TCF4: variants seen among roughly 807,000 people sequenced by gnomAD.
TCF4 encodes the protein transcription factor 4.
TCF4 carries 3 observed loss-of-function variants against 82.1 expected under a neutral mutation model. The ratio of observed to expected loss-of-function variants is 0.04; its 90% CI spans 0.02 to 0.09. The LOEUF (loss-of-function observed/expected upper bound fraction) is 0.09, where lower values mean the gene tolerates loss of function less well. Among genes scored for constraint, TCF4 ranks in the 10% least tolerant of loss-of-function variants. TCF4 has a pLI of 1.00. For missense variants in TCF4, 518 were observed against 852.7 expected (o/e 0.61, Z 4.89); for synonymous variants, 276 against 309.6 (o/e 0.89, Z 1.14).
chr18:55,551,796 T>A (rs748347609), intron 3 of TCF4: 3 of 152,200 alleles, frequency 2.0e-5, no homozygotes, highest in Non-Finnish European at 4.4e-5. Context: ...TAGGACTTTT[T>A]TTTTCCTCCT....
At chr18:55,514,438 CACACACA>C (rs879456282) in intron 3 of TCF4, among the ~76,000 whole-genome samples, 1,704 of 151,918 alleles carry the variant, frequency 0.011, 17 homozygotes, top group Non-Finnish European at 0.013. Context: ...CACACACACA[CACACACA>C]CCCCAATCAT....
At chr18:55,335,048 G>T (rs963529515) in intron 8 of TCF4, among the ~76,000 whole-genome samples, 1 of 152,124 alleles carries the variant, frequency 6.6e-6, no homozygotes, top group East Asian at 1.9e-4. Context: ...GCTCTGTGAC[G>T]CTCTTGCTGA....
intron 3 of TCF4, among the ~76,000 whole-genome samples, chr18:55,487,615 T>C (rs2096531267): frequency 6.6e-6 from 1 of 152,180 alleles, no homozygotes; most frequent in African/African-American, 2.4e-5. Context: ...TATTACAAGA[T>C]ACAATATAAT....
intron 5 of TCF4, among the ~76,000 whole-genome samples, chr18:55,455,544 A>G (rs2095730787): frequency 6.6e-6 from 1 of 151,248 alleles, no homozygotes; most frequent in Non-Finnish European, 1.5e-5. Flanking sequence ...AAAAAAAAAA[A>G]AAAGAAGCAC....
intron 6 of TCF4, chr18:55,400,806 G>A (rs1304819116): frequency 2.3e-6 from 1 of 432,898 alleles, no homozygotes; most frequent in African/African-American, 2.1e-5. Context: ...CCAAACAAAA[G>A]GCTATTGAGA....
At chr18:55,251,929 G>GTTTT (rs1568455760) in intron 15 of TCF4, among the ~76,000 whole-genome samples, 81 of 90,978 alleles carry the variant, frequency 8.9e-4, no homozygotes, top group Non-Finnish European at 1.5e-3. Context: ...AGGGGGATGA[G>GTTTT]GTTTTTTTTT....
intron 3 of TCF4, among the ~76,000 whole-genome samples, chr18:55,506,908 G>A (rs528335525): frequency 2.0e-5 from 3 of 150,662 alleles, no homozygotes; most frequent in Non-Finnish European, 4.4e-5. Flanking sequence ...TGTCACTGAG[G>A]CTGGAGTGCA....
chr18:55,585,855 A>G, intron 2 of TCF4: 2 of 1,165,860 alleles, frequency 1.7e-6, no homozygotes, highest in Admixed American at 4.4e-5. Flanking sequence ...AGCAATTTGA[A>G]GCAAGACTCT....
intron 3 of TCF4, among the ~76,000 whole-genome samples, chr18:55,506,110 T>C (rs1603617142): frequency 6.6e-6 from 1 of 152,230 alleles, no homozygotes; most frequent in Non-Finnish European, 1.5e-5. Flanking sequence ...CTTCCAGTTT[T>C]AAAGATCAGA....
At chr18:55,496,896 C>CAA (rs60244407) in intron 3 of TCF4, among the ~76,000 whole-genome samples, 23,947 of 108,378 alleles carry the variant, frequency 0.22, 2,734 homozygotes, top group Non-Finnish European at 0.31. Context: ...TGTAAAATTA[C>CAA]AAAAAAAAAA....
At chr18:55,323,164 G>A (rs1347408178) in intron 8 of TCF4, among the ~76,000 whole-genome samples, 1 of 152,150 alleles carries the variant, frequency 6.6e-6, no homozygotes, top group African/African-American at 2.4e-5. Flanking sequence ...GGAGGGATGT[G>A]GGGAGAGGAG....
intron 3 of TCF4, among the ~76,000 whole-genome samples, chr18:55,556,159 T>TC (rs386387769): frequency 6.6e-6 from 1 of 152,180 alleles, no homozygotes; most frequent in African/African-American, 2.4e-5. Flanking sequence ...CAGTGTGATT[T>TC]TTTTTTCAAA....
At chr18:55,522,099 C>T (rs942469636) in intron 3 of TCF4, among the ~76,000 whole-genome samples, 5 of 151,982 alleles carry the variant, frequency 3.3e-5, no homozygotes, top group Non-Finnish European at 7.4e-5. Flanking sequence ...GGAATGTAGA[C>T]AAAACTAAAA....
Position 55,587,089 on chromosome 18 carries a change from A to C in TCF4, c.28T>G (p.Leu10Val). The change falls in exon 2 of 20, where the codon TTA becomes GTA. Residue 10 changes from leucine (L) to valine (V), a missense_variant. Physicochemically the swap from Leu to Val is conservative, Grantham distance 32. Transcript: ENST00000354452. ...TCACTCAGCTCTTTGTCCGTCCCTAAGGCAGCCATTCGCTGTTGGTGATGC... is the reference window on the plus strand; with the variant it reads ...TCACTCAGCTCTTTGTCCGTCCCTACGGCAGCCATTCGCTGTTGGTGATGC... Reference protein sequence around the residue: MHHQQRMAALGTDKELSDLL... With the variant: MHHQQRMAAVGTDKELSDLL... 6.2e-7 allele frequency: 1 copy of C among 1,613,846 alleles called. No individual in the cohort carries two copies.
chr18:55,234,818 G>T, intron 15 of TCF4, 135 bp from the exon 16 acceptor site: 1 of 1,257,174 alleles, frequency 8.0e-7, no homozygotes, highest in Non-Finnish European at 1.1e-6. Flanking sequence ...AGAGGGCGCT[G>T]AAGGACCGCA....
chr18:55,315,189 C>T (rs2073800786), intron 8 of TCF4, among the ~76,000 whole-genome samples: 1 of 152,154 alleles, frequency 6.6e-6, no homozygotes, highest in Non-Finnish European at 1.5e-5. Flanking sequence ...GTTCCCACCT[C>T]TGACTTCTCA....
In TCF4 at chr18:55,350,895, G is replaced by T. The variant is rs759957286; in HGVS notation, c.478C>A (p.Pro160Thr). ...QYSSNNPRRR[P>T]LHSSAMEVQT... Reference sequence around the variant, plus strand: ...TTACCCATGGCACTACTGTGAAGAGGCCTCCTTCGGGGATTATTGCTAGAA... The same window carrying T: ...TTACCCATGGCACTACTGTGAAGAGTCCTCCTTCGGGGATTATTGCTAGAA... Residue 160 changes from proline to threonine, a missense_variant, in exon 7 of 20, where the codon CCT (proline) becomes ACT (threonine). This residue lies in a region of TCF4 where 211 missense variants were observed against 327.4 expected (regional missense o/e 0.64). Transcript: ENST00000354452. 1 of 1,613,526 alleles carries T rather than the reference G, an allele frequency of 6.2e-7. No homozygotes were observed.
At chr18:55,324,889 TAAATG>T (rs1332564367) in intron 8 of TCF4, among the ~76,000 whole-genome samples, 1 of 152,172 alleles carries the variant, frequency 6.6e-6, no homozygotes, top group Non-Finnish European at 1.5e-5. Context: ...GTTGACCACT[TAAATG>T]AAACCCACAC....
chr18:55,228,398 C>A, intron 18 of TCF4, 37 bp from the exon 19 acceptor site: 3 of 1,610,962 alleles, frequency 1.9e-6, no homozygotes, highest in Non-Finnish European at 2.5e-6. Context: ...TTGTTTAATG[C>A]TGAGGCTTCT....
Sources: gnomAD v4.1 joint callset for allele counts (sites outside exome capture counted in the v4.1 genomes callset) on GRCh38, gnomAD v4.1.1 for gene constraint, gnomAD v4.1.1 regional missense constraint, MANE v1.5 for transcripts, NCBI Gene and HGNC (gene_info 2026-07-23, HGNC 2026-07-21) for gene names.